Variants in MAST4 observed in about 807,000 individuals in gnomAD.
MAST4 encodes the protein microtubule-associated serine/threonine-protein kinase 4.
In MAST4, 89 loss-of-function variants were observed where a neutral mutation model predicts 162.7. That is an observed-to-expected ratio of 0.55 (90% CI 0.46 to 0.65). The LOEUF (loss-of-function observed/expected upper bound fraction) is 0.65, where lower values mean the gene tolerates loss of function less well. MAST4 is among the 30% of genes least tolerant of loss of function. MAST4 has a pLI of 0.00. For missense variants in MAST4, 3,153 were observed against 3,374.0 expected, an observed-to-expected ratio of 0.93 and a Z score of 1.62; for synonymous variants, 1,479 against 1,361.1, an observed-to-expected ratio of 1.09 and a Z score of -1.91.
At chr5:67,127,281 G>T (rs1465883281) in intron 14 of MAST4, among the ~76,000 whole-genome samples, 1 of 152,186 alleles carries the variant, frequency 6.6e-6, no homozygotes. Context: ...CTGAATAGGA[G>T]TGGTGAGAGT....
chr5:67,006,653 A>ACACGG (rs1220437370), intron 4 of MAST4, among the ~76,000 whole-genome samples: 58 of 152,322 alleles, frequency 3.8e-4, no homozygotes, highest in Admixed American at 1.4e-3. Context: ...CCCGTAGAGC[A>ACACGG]GTTGGAGCCT....
chr5:66,848,336 A>G (rs1289029517), intron 3 of MAST4, among the ~76,000 whole-genome samples: 3 of 152,184 alleles, frequency 2.0e-5, no homozygotes, highest in African/African-American at 7.2e-5. Context: ...GCGATAAGGA[A>G]TGCAAATTTA....
chr5:67,067,503 A>G (rs1031180078), intron 5 of MAST4, among the ~76,000 whole-genome samples: 6 of 152,232 alleles, frequency 3.9e-5, no homozygotes, highest in Non-Finnish European at 7.3e-5. Context: ...GTAGCTAGAA[A>G]TGATACGACA....
intron 1 of MAST4, among the ~76,000 whole-genome samples, chr5:66,662,159 T>C (rs917765456): frequency 1.3e-5 from 2 of 152,126 alleles, no homozygotes; most frequent in Non-Finnish European, 2.9e-5. Context: ...CATCTCTGCC[T>C]TCATAGAGCT....
chr5:67,134,514 A>G lies in MAST4; in HGVS notation c.2227-9A>G, dbSNP rs913138371. On this transcript the variant is annotated splice_polypyrimidine_tract_variant and intron_variant, in intron 17 of 28. Coordinates refer to ENST00000403625, the MANE Select transcript of MAST4 (RefSeq NM_001164664.2). ...TTCCAATTATTCTAATATTGCAATTATCTTTTAGGTCTGTGGCACACCTGA... is the reference window on the plus strand; with the variant it reads ...TTCCAATTATTCTAATATTGCAATTGTCTTTTAGGTCTGTGGCACACCTGA... The G allele has an allele frequency of 1.9e-6, 3 of 1,607,440 alleles. No individual in the cohort carries two copies. The highest frequency in any genetic ancestry group is 1.3e-5 in the African/African-American group (1 of 74,754).
At chr5:66,711,473 A>G (rs1457503349) in intron 1 of MAST4, among the ~76,000 whole-genome samples, 2 of 152,014 alleles carry the variant, frequency 1.3e-5, no homozygotes. Context: ...TATAATTCCA[A>G]TATCTCTTGC....
intron 4 of MAST4, among the ~76,000 whole-genome samples, chr5:67,032,941 A>G (rs1755535544): frequency 6.6e-6 from 1 of 152,150 alleles, no homozygotes; most frequent in Non-Finnish European, 1.5e-5. Context: ...CCATATTTAT[A>G]TGTATACAGG....
intron 4 of MAST4, among the ~76,000 whole-genome samples, chr5:66,955,279 G>A (rs182159117): frequency 7.6e-4 from 115 of 152,074 alleles, no homozygotes; most frequent in African/African-American, 2.7e-3. Flanking sequence ...CAAGCAAGAT[G>A]TAAAGGAAGT....
chr5:67,015,448 A>C (rs1006712070), intron 4 of MAST4, among the ~76,000 whole-genome samples: 4 of 152,216 alleles, frequency 2.6e-5, no homozygotes, highest in Non-Finnish European at 5.9e-5. Flanking sequence ...TTCATGGCCC[A>C]ACATTTATGG....
At chr5:66,847,784 A>T (rs2149803300) in intron 3 of MAST4, among the ~76,000 whole-genome samples, 1 of 131,572 alleles carries the variant, frequency 7.6e-6, no homozygotes. Context: ...TTGTGCCACT[A>T]CTCTCCAGCC....
chr5:66,926,606 A>G (rs1313430318), intron 4 of MAST4, among the ~76,000 whole-genome samples: 2 of 151,762 alleles, frequency 1.3e-5, no homozygotes, highest in Non-Finnish European at 2.9e-5. Context: ...GTATATATGT[A>G]TGTATATGTA....
intron 5 of MAST4, among the ~76,000 whole-genome samples, chr5:67,057,974 T>C (rs1581381804): frequency 6.7e-6 from 1 of 149,256 alleles, no homozygotes; most frequent in Non-Finnish European, 1.5e-5. Context: ...GGCACAGTGG[T>C]CACACTTGTG....
At chr5:67,077,421 CTA>C (rs1761788872) in intron 5 of MAST4, among the ~76,000 whole-genome samples, 1 of 152,162 alleles carries the variant, frequency 6.6e-6, no homozygotes, top group African/African-American at 2.4e-5. Flanking sequence ...TTCAGAAACA[CTA>C]TTGTGCCTAA....
At chr5:67,033,313 C>CTGTGTGTGTGTGTGTG (rs1360368682) in intron 4 of MAST4, among the ~76,000 whole-genome samples, 1 of 70,240 alleles carries the variant, frequency 1.4e-5, no homozygotes, top group African/African-American at 1.0e-4. Flanking sequence ...GTTTTCATTT[C>CTGTGTGTGTGTGTGTG]TCTGTGTGTG....
chr5:66,918,664 C>A (rs566830402), intron 4 of MAST4, among the ~76,000 whole-genome samples: 3,012 of 129,846 alleles, frequency 0.023, 103 homozygotes, highest in African/African-American at 0.075. Flanking sequence ...TTTTAGCTTA[C>A]AAATAAAGAC....
intron 1 of MAST4, among the ~76,000 whole-genome samples, chr5:66,704,701 C>T (rs999039889): frequency 1.3e-5 from 2 of 151,882 alleles, no homozygotes; most frequent in Non-Finnish European, 2.9e-5. Context: ...AGGGTTTCAC[C>T]GTGTTAGCCA....
chr5:66,936,956 C>T (rs1742813345), intron 4 of MAST4, among the ~76,000 whole-genome samples: 1 of 152,180 alleles, frequency 6.6e-6, no homozygotes, highest in African/African-American at 2.4e-5. Flanking sequence ...CCTCTCTCCT[C>T]CTCACTACAG....
At chr5:66,924,461 T>C (rs1309681378) in intron 4 of MAST4, among the ~76,000 whole-genome samples, 1 of 151,630 alleles carries the variant, frequency 6.6e-6, no homozygotes, top group East Asian at 1.9e-4. Flanking sequence ...TGGCGCGATC[T>C]CGGCTCGCTG....
chr5:66,964,924 C>T (rs1746507385), intron 4 of MAST4, among the ~76,000 whole-genome samples: 1 of 152,218 alleles, frequency 6.6e-6, no homozygotes, highest in Admixed American at 6.5e-5. Flanking sequence ...GAATTTGCCA[C>T]TTATGGCCAC....
Sources: allele counts gnomAD v4.1 joint callset (sites outside exome capture counted in the v4.1 genomes callset), GRCh38; gene constraint gnomAD v4.1.1; transcripts MANE v1.5; gene names NCBI Gene and HGNC (gene_info 2026-07-23, HGNC 2026-07-21).